DMD: variants seen among roughly 807,000 people sequenced by gnomAD.
The protein encoded by DMD is mutant dystrophin.
Under a neutral mutation model 330.1 loss-of-function variants are expected in DMD, and 63 were observed. The observed-to-expected ratio is 0.19, with a 90% CI of 0.16 to 0.24. DMD has a LOEUF of 0.24. DMD is among the 10% of genes least tolerant of loss of function. The pLI, the probability that DMD is intolerant of heterozygous loss-of-function variation, is 1.00. For missense variants in DMD, 3,344 were observed against 2,684.1 expected (o/e 1.25, Z -5.43); for synonymous variants, 1,223 against 959.8 (o/e 1.27, Z -5.07).
chrX:31,421,962 C>CACACACACAT (rs1556630496), intron 60 of DMD, among the ~76,000 whole-genome samples: 2 of 63,925 alleles, frequency 3.1e-5, no homozygotes, highest in African/African-American at 2.2e-4. Flanking sequence ...TATATATACA[C>CACACACACAT]ATATATATAT....
chrX:32,396,703 T>G (rs1462260513), intron 30 of DMD, among the ~76,000 whole-genome samples: 1 of 111,700 alleles, frequency 9.0e-6, no homozygotes, highest in Non-Finnish European at 1.9e-5. Flanking sequence ...TTCAATTCAT[T>G]ACTAAAATTA....
intron 48 of DMD, among the ~76,000 whole-genome samples, chrX:31,872,979 G>A (rs2093915707): frequency 9.0e-6 from 1 of 110,839 alleles, no homozygotes; most frequent in African/African-American, 3.3e-5. Flanking sequence ...TGTTTTGTAC[G>A]CACCCAGTCT....
At chrX:32,119,607 C>T (rs935360042) in intron 44 of DMD, among the ~76,000 whole-genome samples, 1 of 111,185 alleles carries the variant, frequency 9.0e-6, no homozygotes, top group African/African-American at 3.3e-5. Context: ...CTAGGATCTC[C>T]GGTGTACCCT....
intron 57 of DMD, 60 bp downstream of exon 57, chrX:31,496,728 T>C: frequency 8.6e-7 from 1 of 1,157,540 alleles, no homozygotes; most frequent in Non-Finnish European, 1.2e-6. Context: ...AATTTTAAAA[T>C]AGTCACTGGA....
intron 44 of DMD, among the ~76,000 whole-genome samples, chrX:32,157,438 T>G (rs1309684060): frequency 8.9e-6 from 1 of 112,586 alleles, no homozygotes; most frequent in Non-Finnish European, 1.9e-5. Context: ...GGGCATATAA[T>G]TTTACAGGAG....
rs745958516 is a variant in DMD, at chrX:32,835,619, G to T, written c.264+9164C>A. Among the ~76,000 whole-genome samples the T allele has an allele frequency of 4.5e-5, 5 of 112,004 alleles. 1 individual carries two copies. The South Asian group carries it at 1.9e-3, about 42-fold the overall frequency. ...ATTGGAACACAGACGTAGTGTCTGA[G>T]CTCTACAGATATAAGCTGAGTGGCA... On this transcript the variant is annotated intron_variant, in intron 4 of 78. Coordinates refer to ENST00000357033, the MANE Select transcript of DMD (RefSeq NM_004006.3).
chrX:33,335,275 TAC>T (rs1279921702), intron 1 of DMD, among the ~76,000 whole-genome samples: 1 of 108,336 alleles, frequency 9.2e-6, no homozygotes, highest in Non-Finnish European at 1.9e-5. Flanking sequence ...ATCATATATA[TAC>T]ACACACACAC....
intron 60 of DMD, among the ~76,000 whole-genome samples, chrX:31,399,736 AG>A (rs1181570192): frequency 8.9e-6 from 1 of 111,793 alleles, no homozygotes; most frequent in African/African-American, 3.3e-5. Flanking sequence ...AACTAGCCAT[AG>A]TGATAAAGAT....
At chrX:32,273,268 AG>A (rs1158136387) in intron 43 of DMD, among the ~76,000 whole-genome samples, 2 of 98,384 alleles carry the variant, frequency 2.0e-5, no homozygotes, top group African/African-American at 7.7e-5. Context: ...CACTCTTCTT[AG>A]GGCTCCTTAA....
chrX:32,446,360 C>T (rs1400648386), intron 27 of DMD, among the ~76,000 whole-genome samples: 5 of 108,927 alleles, frequency 4.6e-5, no homozygotes, highest in Non-Finnish European at 9.6e-5. Context: ...CAGCAGATTT[C>T]CTAAAGGCAA....
chrX:32,139,046 A>G (rs1003452596), intron 44 of DMD, among the ~76,000 whole-genome samples: 12 of 112,219 alleles, frequency 1.1e-4, no homozygotes, highest in African/African-American at 3.9e-4. Context: ...TCCTCAGATT[A>G]TTATGTGCTG....
chrX:31,161,893 T>G (rs143219379), intron 74 of DMD, among the ~76,000 whole-genome samples: 3,103 of 110,887 alleles, frequency 0.028, 111 homozygotes, highest in African/African-American at 0.096. Flanking sequence ...ACCATCCCAC[T>G]GCCCTCTTAT....
chrX:32,151,025 G>A (rs748624454), intron 44 of DMD, among the ~76,000 whole-genome samples: 1 of 111,218 alleles, frequency 9.0e-6, no homozygotes, highest in Non-Finnish European at 1.9e-5. Flanking sequence ...ATTTCTCTAT[G>A]TGACTCCATC....
intron 44 of DMD, among the ~76,000 whole-genome samples, chrX:32,171,177 T>C (rs1328242138): frequency 1.8e-5 from 2 of 111,295 alleles, no homozygotes; most frequent in East Asian, 2.8e-4. Flanking sequence ...AGCTAATATT[T>C]AATATATTTT....
chrX:31,473,371 A>T (rs1317447021), intron 59 of DMD, among the ~76,000 whole-genome samples: 10 of 107,289 alleles, frequency 9.3e-5, no homozygotes, highest in Non-Finnish European at 1.9e-4. Flanking sequence ...GTCTCAAAAA[A>T]AAAAAAATTA....
intron 62 of DMD, among the ~76,000 whole-genome samples, chrX:31,291,523 A>G (rs1305260542): frequency 2.7e-5 from 3 of 112,344 alleles, no homozygotes; most frequent in Admixed American, 9.5e-5. Flanking sequence ...GGTTTAGACC[A>G]GCAAAGGCTG....
chrX:32,485,464 C>A (rs929284368), intron 20 of DMD, among the ~76,000 whole-genome samples: 1 of 110,534 alleles, frequency 9.0e-6, no homozygotes, highest in African/African-American at 3.3e-5. Context: ...ATGATGTGCG[C>A]TTGCTTCAAA....
intron 2 of DMD, among the ~76,000 whole-genome samples, chrX:32,963,974 G>T (rs2092009420): frequency 9.0e-6 from 1 of 111,302 alleles, no homozygotes; most frequent in Non-Finnish European, 1.9e-5. Flanking sequence ...TTCACTGGTG[G>T]TCGGGTGCGG....
At chrX:32,438,040 A>G (rs1450734193) in intron 29 of DMD, among the ~76,000 whole-genome samples, 3 of 112,028 alleles carry the variant, frequency 2.7e-5, no homozygotes, top group Non-Finnish European at 3.8e-5. Context: ...GCCTTTTAAG[A>G]ATCCTAACTT....
Sources: gnomAD v4.1 joint callset for allele counts (sites outside exome capture counted in the v4.1 genomes callset) on GRCh38, gnomAD v4.1.1 for gene constraint, MANE v1.5 for transcripts, NCBI Gene and HGNC (gene_info 2026-07-23, HGNC 2026-07-21) for gene names.